SLC9A6: variants seen among roughly 807,000 people sequenced by gnomAD.
SLC9A6 encodes the protein sodium/hydrogen exchanger 6.
A neutral mutation model predicts 45.3 loss-of-function variants in SLC9A6; 6 were observed. The ratio of observed to expected loss-of-function variants is 0.13; its 90% CI spans 0.07 to 0.26. SLC9A6 has a LOEUF of 0.26. Among genes scored for constraint, SLC9A6 ranks in the 10% least tolerant of loss-of-function variants. SLC9A6 has a pLI of 1.00. For synonymous variants in SLC9A6, 191 were observed against 187.7 expected (o/e 1.02, Z -0.14); for missense variants, 278 against 503.7 (o/e 0.55, Z 4.29).
intron 2 of SLC9A6, among the ~76,000 whole-genome samples, chrX:135,991,375 A>C (rs2089427261): frequency 9.2e-6 from 1 of 109,234 alleles, no homozygotes; most frequent in African/African-American, 3.4e-5. Flanking sequence ...TTCCTGCCTC[A>C]GCCTCCCAAG....
At chrX:136,014,503 G>A (rs1273131283) in intron 10 of SLC9A6, among the ~76,000 whole-genome samples, 5 of 112,969 alleles carry the variant, frequency 4.4e-5, no homozygotes, top group Non-Finnish European at 7.5e-5. Flanking sequence ...TGTGGCTCAC[G>A]CCTGTAATCC....
chrX:135,991,815 T>C (rs1310579332), intron 2 of SLC9A6, among the ~76,000 whole-genome samples: 7 of 111,226 alleles, frequency 6.3e-5, no homozygotes, highest in African/African-American at 3.3e-5. Flanking sequence ...CCTTTTTTTT[T>C]CTACTCCTGT....
chrX:135,985,869 T>C, intron 2 of SLC9A6, 42 bp downstream of exon 2: 1 of 1,197,531 alleles, frequency 8.4e-7, no homozygotes, highest in Admixed American at 2.2e-5. Flanking sequence ...CGCTGCCCCT[T>C]TCTCTGCCCG....
At chrX:136,013,520 G>C in intron 10 of SLC9A6, 83 bp downstream of exon 10, 1 of 649,543 alleles carries the variant, frequency 1.5e-6, no homozygotes, top group Non-Finnish European at 2.4e-6. Context: ...AAAAAAAATA[G>C]TCTTTGATCT....
At chrX:135,998,452 C>A (rs782275375) in intron 4 of SLC9A6, 30 bp from the exon 5 acceptor site, 1 of 1,000,164 alleles carries the variant, frequency 1.0e-6, no homozygotes, top group East Asian at 3.3e-5. Context: ...GGTAAGTATT[C>A]TAACAGTGTA....
At position 135,976,654 on chromosome X, in the gene SLC9A6, A is replaced by G. The variant is rs369014408; in HGVS notation, c.-57+1871A>G. On this transcript the variant is annotated intron_variant, in intron 1 of 16. Coordinates refer to the SLC9A6 transcript ENST00000636092. ...AACCCTTTTAATATCAATTTATCTG[A>G]AGCAGAAAATGATTAGGAGTTTTCT... Among the ~76,000 whole-genome samples, 138 of 111,832 alleles carry G rather than the reference A, an allele frequency of 1.2e-3. 3 individuals are homozygous for G. The South Asian group carries it at 0.05, about 40-fold the overall frequency.
In SLC9A6 at chrX:136,012,997, C is replaced by T; in HGVS notation, c.934C>T (p.Leu312=). The change falls in exon 9 of 18, where the codon CTG becomes TTG. Residue 312 remains leucine (L), a synonymous_variant. Coordinates refer to ENST00000630721, the MANE Select transcript of SLC9A6 (RefSeq NM_001379110.1). ...LREFQLLETG[L]FFLMSWSTFL... is the part of the protein sequence containing the mutation. Reference sequence around the variant, plus strand: ...GGAGTTCCAGTTGTTGGAGACAGGCCTGTTCTTCTTGATGTCCTGGAGTAC... The same window carrying T: ...GGAGTTCCAGTTGTTGGAGACAGGCTTGTTCTTCTTGATGTCCTGGAGTAC... 8.3e-7 allele frequency: 1 copy of T among 1,210,816 alleles called. No homozygotes were observed. The highest frequency in any genetic ancestry group is 1.1e-6 in the Non-Finnish European group (1 of 894,618).
At position 136,045,331 on chromosome X, in the gene SLC9A6, C is replaced by T. The variant is rs1190284705; in HGVS notation, c.*607C>T. 8.6e-6 allele frequency: 1 copy of T among 116,245 alleles called. No homozygotes were observed. The highest frequency in any genetic ancestry group is 3.2e-5 in the African/African-American group (1 of 30,785). 9.6% of individuals were successfully genotyped at this position (116,245 alleles called of 1,213,427 possible). A position where few individuals can be genotyped will look rare whatever the true frequency, so the allele number is the denominator to read the frequency against. On this transcript the variant is annotated 3_prime_UTR_variant, in exon 18 of 18. Transcript: ENST00000630721. ...CCCGCTTGCTGTGAAAGCACAGATTCATTGACTACAGTACACTGTTGTTCA... is the reference window on the plus strand; with the variant it reads ...CCCGCTTGCTGTGAAAGCACAGATTTATTGACTACAGTACACTGTTGTTCA...
chrX:136,030,459 G>A (rs1034527916), intron 15 of SLC9A6: 2 of 321,301 alleles, frequency 6.2e-6, no homozygotes, highest in Non-Finnish European at 1.1e-5. Context: ...GTTTTCGAGT[G>A]ACTCCTCTGG....
chrX:135,998,024 T>C lies in SLC9A6; in HGVS notation c.370-84T>C, dbSNP rs1556616810. ...TCTTGCCTTTGACTAGTTTAACATATAGTATTTTTTCTTTTTGATCATTTG... is the reference window on the plus strand; with the variant it reads ...TCTTGCCTTTGACTAGTTTAACATACAGTATTTTTTCTTTTTGATCATTTG... On this transcript the variant is annotated intron_variant, in intron 3 of 17. Transcript: ENST00000630721. 9.0e-6 allele frequency: 5 copies of C among 553,026 alleles called. No individual in the cohort carries two copies. In the Admixed American group the frequency reaches 9.7e-5, roughly 11 times the overall value. 45.6% of individuals were successfully genotyped at this position (553,026 alleles called of 1,213,427 possible).
intron 2 of SLC9A6, 59 bp from the exon 3 acceptor site, chrX:135,994,727 G>C: frequency 1.9e-6 from 2 of 1,056,977 alleles, no homozygotes; most frequent in Non-Finnish European, 2.7e-6. Flanking sequence ...AGTTATGCGT[G>C]GGGTACAAAA....
Position 135,992,928 on chromosome X carries a change from A to G in SLC9A6, c.170-1858A>G, listed in dbSNP as rs188753135. 1.2e-4 allele frequency among the ~76,000 whole-genome samples: 13 copies of G among 111,923 alleles called. No individual in the cohort carries two copies. In the East Asian group the frequency reaches 3.1e-3, roughly 26 times the overall value. On this transcript the variant is annotated intron_variant, in intron 2 of 17. Coordinates refer to ENST00000630721, the MANE Select transcript of SLC9A6 (RefSeq NM_001379110.1). ...TCTGAACCCTGGAGGCCTACCTAGC[A>G]TAGTACACTCATTCACGTATTAAAA...
At chrX:136,033,683 C>T (rs1168093907) in intron 16 of SLC9A6, among the ~76,000 whole-genome samples, 190 bp downstream of exon 16, 5 of 109,548 alleles carry the variant, frequency 4.6e-5, no homozygotes, top group Admixed American at 2.0e-4. Context: ...CCCATGAAAC[C>T]GTAGGGACTG....
At chrX:136,007,973 A>G (rs1400262296) in intron 7 of SLC9A6, among the ~76,000 whole-genome samples, 1 of 111,388 alleles carries the variant, frequency 9.0e-6, no homozygotes, top group African/African-American at 3.3e-5. Flanking sequence ...TCCCTCCAAA[A>G]GTGTAATGGA....
intron 11 of SLC9A6, among the ~76,000 whole-genome samples, chrX:136,020,164 A>AT (rs1235578115): frequency 1.4e-4 from 15 of 111,020 alleles, no homozygotes; most frequent in Middle Eastern, 4.2e-3. Context: ...AAAGTTACAC[A>AT]TTCCCCCCCC....
At chrX:136,031,560 C>T (rs1324847981) in intron 15 of SLC9A6, among the ~76,000 whole-genome samples, 1 of 111,394 alleles carries the variant, frequency 9.0e-6, no homozygotes, top group Non-Finnish European at 1.9e-5. Context: ...ATTAGCTGGG[C>T]GTGGTGGTGG....
chrX:136,039,442 G>T (rs1185441862), intron 16 of SLC9A6, among the ~76,000 whole-genome samples: 1 of 110,209 alleles, frequency 9.1e-6, no homozygotes, highest in African/African-American at 3.3e-5. Context: ...GCAAATAAAT[G>T]AATACTGAAA....
intron 15 of SLC9A6, among the ~76,000 whole-genome samples, chrX:136,031,614 G>A (rs782621854): frequency 2.7e-5 from 3 of 111,634 alleles, no homozygotes; most frequent in Non-Finnish European, 5.7e-5. Context: ...GCAGGAGATC[G>A]TGCCACTGCA....
At chrX:136,007,694 C>T (rs1556618155) in intron 7 of SLC9A6, among the ~76,000 whole-genome samples, 1 of 111,174 alleles carries the variant, frequency 9.0e-6, no homozygotes, top group East Asian at 2.8e-4. Context: ...ATATACTTTT[C>T]TGTAGCTTTT....
Sources: gnomAD v4.1 joint callset for allele counts (sites outside exome capture counted in the v4.1 genomes callset) on GRCh38, gnomAD v4.1.1 for gene constraint, MANE v1.5 for transcripts, NCBI Gene and HGNC (gene_info 2026-07-23, HGNC 2026-07-21) for gene names.